Variants in CEP112 observed in about 807,000 individuals in gnomAD.
CEP112 encodes the protein centrosomal protein 112.
A neutral mutation model predicts 153.0 loss-of-function variants in CEP112; 127 were observed. The ratio of observed to expected loss-of-function variants is 0.83; its 90% CI spans 0.72 to 0.96. The LOEUF is 0.96. Among genes scored for constraint, CEP112 ranks in the 40% least tolerant of loss-of-function variants. CEP112 has a pLI of 0.00. For synonymous variants in CEP112, 358 were observed against 374.4 expected (o/e 0.96, Z 0.51); for missense variants, 1,089 against 1,101.2 (o/e 0.99, Z 0.16).
chr17:65,777,197 T>C (rs1364804160), intron 21 of CEP112, among the ~76,000 whole-genome samples: 1 of 152,156 alleles, frequency 6.6e-6, no homozygotes, highest in Non-Finnish European at 1.5e-5. Context: ...CACTTCCCAC[T>C]CCTCATTCTG....
chr17:65,913,827 A>G (rs1432362568), intron 19 of CEP112: 1 of 985,326 alleles, frequency 1.0e-6, no homozygotes, highest in Non-Finnish European at 1.2e-6. Flanking sequence ...CTGATAGATG[A>G]AGCAAGGCTG....
chr17:66,185,416 T>G lies in CEP112; in HGVS notation c.-8-2109A>C, dbSNP rs111997756. Among the ~76,000 whole-genome samples the G allele has an allele frequency of 2.8e-3, 424 of 152,220 alleles. 1 individual carries two copies. Among genetic ancestry groups the G allele is most frequent in the Non-Finnish European group, 4.9e-3 (334 of 68,014 alleles). On this transcript the variant is annotated intron_variant, in intron 1 of 26. Transcript: ENST00000535342. ...TTTTCTATTTTTAGTAGAGATGGGG[T>G]TTCACCATGTTGGTCAGGCTGGTCT...
At chr17:66,142,129 G>A (rs1007760085) in intron 4 of CEP112, among the ~76,000 whole-genome samples, 11 of 152,138 alleles carry the variant, frequency 7.2e-5, no homozygotes, top group East Asian at 1.9e-4. Context: ...CTGATGATGC[G>A]TGATGTTGAA....
chr17:66,121,926 G>A lies in CEP112; in HGVS notation c.642+7820C>T, dbSNP rs548710937. On this transcript the variant is annotated intron_variant, in intron 6 of 26. Transcript: ENST00000535342. The stretch of plus-strand genomic sequence containing the variant: ...TTTTGTTTTTTTCAGACAGAGTCTC[G>A]CTCTGTCGCCCAGGCTGGAGTGCAA... Among the ~76,000 whole-genome samples the A allele has an allele frequency of 5.3e-5, 8 of 151,648 alleles. No homozygotes were observed. The South Asian group carries it at 8.4e-4, about 16-fold the overall frequency.
At chr17:65,712,147 AG>A (rs2049223474) in intron 23 of CEP112, among the ~76,000 whole-genome samples, 1 of 152,142 alleles carries the variant, frequency 6.6e-6, no homozygotes, top group African/African-American at 2.4e-5. Flanking sequence ...GCATGTTGAA[AG>A]GGAGACTTAC....
At chr17:66,129,690 C>T (rs1202593311) in intron 6 of CEP112, 56 bp downstream of exon 6, 5 of 1,165,016 alleles carry the variant, frequency 4.3e-6, no homozygotes, top group South Asian at 4.0e-5. Context: ...ATATTATACA[C>T]ATACAATATG....
chr17:65,979,539 C>T (rs1568332029), intron 17 of CEP112, among the ~76,000 whole-genome samples: 2 of 152,132 alleles, frequency 1.3e-5, no homozygotes, highest in Non-Finnish European at 2.9e-5. Flanking sequence ...CTGTGTCTGG[C>T]CTTAGGCTCT....
At chr17:66,143,934 T>G (rs928409539) in intron 4 of CEP112, among the ~76,000 whole-genome samples, 5 of 152,204 alleles carry the variant, frequency 3.3e-5, no homozygotes, top group African/African-American at 1.2e-4. Context: ...ATTTCTCTGC[T>G]CTTTGAATGG....
intron 17 of CEP112, among the ~76,000 whole-genome samples, chr17:66,000,326 AGCTTTTTT>A (rs1447857141): frequency 3.6e-5 from 5 of 139,572 alleles, no homozygotes; most frequent in East Asian, 2.0e-4. Flanking sequence ...GGTGATGTTG[AGCTTTTTT>A]GCTTTTTTGC....
chr17:65,844,042 C>G (rs2057625505), intron 21 of CEP112, among the ~76,000 whole-genome samples: 1 of 151,986 alleles, frequency 6.6e-6, no homozygotes, highest in African/African-American at 2.4e-5. Context: ...CATTAGGACC[C>G]TAAAGGAAGA....
intron 26 of CEP112, chr17:65,636,923 C>T: frequency 1.8e-6 from 1 of 542,480 alleles, no homozygotes; most frequent in East Asian, 3.0e-5. Context: ...ATTCTCTCAT[C>T]TTGTTTTGAT....
intron 24 of CEP112, among the ~76,000 whole-genome samples, chr17:65,684,526 A>C (rs2047687302): frequency 6.6e-6 from 1 of 152,212 alleles, no homozygotes; most frequent in African/African-American, 2.4e-5. Flanking sequence ...AATAACAAGA[A>C]AACTTTTAGA....
At chr17:65,734,142 C>A (rs1003826258) in intron 23 of CEP112, among the ~76,000 whole-genome samples, 1 of 152,202 alleles carries the variant, frequency 6.6e-6, no homozygotes, top group African/African-American at 2.4e-5. Flanking sequence ...TGGGTCAGCA[C>A]TGTAATACAG....
In CEP112 at chr17:66,176,869, T is replaced by C; in HGVS notation, c.258A>G (p.Arg86=). ...GAATTTTTAGTGTCCCGGGTTCAGGTCGGTGTGTAAAAGGGCCTTCAAGCG... is the reference window on the plus strand; with the variant it reads ...GAATTTTTAGTGTCCCGGGTTCAGGCCGGTGTGTAAAAGGGCCTTCAAGCG... The part of the protein sequence containing the change: ...RGALEGPFTH[R]PEPGTLKILP... Residue 86 remains arginine (R), a synonymous_variant, in exon 3 of 27, where the codon CGA becomes CGG. Coordinates refer to ENST00000535342, the MANE Select transcript of CEP112 (RefSeq NM_001199165.4). 6.2e-7 allele frequency: 1 copy of C among 1,613,480 alleles called. No individual in the cohort carries two copies. The highest frequency in any genetic ancestry group is 8.5e-7 in the Non-Finnish European group (1 of 1,179,760).
At chr17:66,034,325 T>A (rs940714405) in intron 12 of CEP112, among the ~76,000 whole-genome samples, 1 of 152,146 alleles carries the variant, frequency 6.6e-6, no homozygotes, top group African/African-American at 2.4e-5. Flanking sequence ...TTATAAAAAA[T>A]AGAGATAAAA....
chr17:65,836,927 C>T (rs1198028048), intron 21 of CEP112, among the ~76,000 whole-genome samples: 2 of 152,070 alleles, frequency 1.3e-5, no homozygotes, highest in Admixed American at 6.5e-5. Flanking sequence ...CTCAGCCTGC[C>T]CAGTGCCTGG....
chr17:66,119,981 TTTC>T (rs2069497144), intron 6 of CEP112, among the ~76,000 whole-genome samples: 2 of 152,196 alleles, frequency 1.3e-5, no homozygotes, highest in African/African-American at 2.4e-5. Context: ...ATTAGGTTGT[TTTC>T]TTATTGTTGA....
intron 24 of CEP112, among the ~76,000 whole-genome samples, chr17:65,652,445 A>G (rs975911195): frequency 1.3e-5 from 2 of 152,124 alleles, no homozygotes; most frequent in Non-Finnish European, 2.9e-5. Flanking sequence ...AACATTAGTT[A>G]TCATTATATG....
intron 17 of CEP112, among the ~76,000 whole-genome samples, chr17:65,972,879 C>T (rs144313042): frequency 0.076 from 11,552 of 152,324 alleles, 541 homozygotes; most frequent in South Asian, 0.16. Context: ...GATTCTCATG[C>T]CTCAGCCTCC....
Sources: gnomAD v4.1 joint callset for allele counts (sites outside exome capture counted in the v4.1 genomes callset) on GRCh38, gnomAD v4.1.1 for gene constraint, MANE v1.5 for transcripts, NCBI Gene and HGNC (gene_info 2026-07-23, HGNC 2026-07-21) for gene names.